Variants in TOP6BL observed in about 807,000 individuals in gnomAD.
The protein encoded by TOP6BL is TOP6B like initiator of meiotic double strand breaks, also known as type 2 DNA topoisomerase 6 subunit B-like.
the TOP6BL span, among the ~76,000 whole-genome samples, chr11:66,834,017 C>G: frequency 6.6e-6 from 1 of 152,048 alleles, no homozygotes; most frequent in Non-Finnish European, 1.5e-5. Context: ...AGCCTCAGGG[C>G]CATTCATAGC....
chr11:66,838,547 G>A, the TOP6BL span: 2 of 1,080,952 alleles, frequency 1.9e-6, no homozygotes, highest in East Asian at 2.6e-5. Flanking sequence ...CTACTACAGC[G>A]GCGTCCTTCT....
At chr11:66,745,518 C>T in the TOP6BL span, among the ~76,000 whole-genome samples, 1 of 152,220 alleles carries the variant, frequency 6.6e-6, no homozygotes, top group Non-Finnish European at 1.5e-5. Context: ...CGGCCACGCC[C>T]CGTGTGCTCA....
chr11:66,838,346 A>C, the TOP6BL span: 11 of 1,609,544 alleles, frequency 6.8e-6, no homozygotes, highest in Non-Finnish European at 9.4e-6. Context: ...AAACTCACTT[A>C]GGACTTCTAA....
chr11:66,775,996 A>G, the TOP6BL span, among the ~76,000 whole-genome samples: 5 of 151,852 alleles, frequency 3.3e-5, no homozygotes, highest in African/African-American at 7.3e-5. Flanking sequence ...TGGATCCTCT[A>G]TATGGGCACT....
chr11:66,769,486 CA>C, the TOP6BL span, among the ~76,000 whole-genome samples: 1 of 149,106 alleles, frequency 6.7e-6, no homozygotes, highest in African/African-American at 2.5e-5. Context: ...TCTCTAGTTC[CA>C]AAACTCAGAA....
chr11:66,763,003 G>C, the TOP6BL span, among the ~76,000 whole-genome samples: 1 of 152,164 alleles, frequency 6.6e-6, no homozygotes, highest in Admixed American at 6.5e-5. Context: ...CCAGTAGTTA[G>C]AGACTAGCCT....
the TOP6BL span, among the ~76,000 whole-genome samples, chr11:66,804,666 A>G: frequency 6.6e-6 from 1 of 152,212 alleles, no homozygotes; most frequent in Non-Finnish European, 1.5e-5. Flanking sequence ...GGCTGGGTGC[A>G]GTGGCTTACA....
chr11:66,768,717 T>C, the TOP6BL span, among the ~76,000 whole-genome samples: 1 of 152,074 alleles, frequency 6.6e-6, no homozygotes, highest in African/African-American at 2.4e-5. Flanking sequence ...TTTTCCTTGT[T>C]ACATTTATCT....
chr11:66,816,078 T>C, the TOP6BL span: 48 of 1,603,490 alleles, frequency 3.0e-5, no homozygotes, highest in Non-Finnish European at 3.7e-5. Flanking sequence ...ATGTGAGTTA[T>C]CAGGTGGAAT....
chr11:66,761,311 C>CAGTGAGCCGAG, the TOP6BL span, among the ~76,000 whole-genome samples: 2 of 151,490 alleles, frequency 1.3e-5, no homozygotes, highest in African/African-American at 4.9e-5. Context: ...GCGGAGCTTG[C>CAGTGAGCCGAG]AGTGAGCCGA....
At chr11:66,796,402 T>A in the TOP6BL span, 1 of 1,484,770 alleles carries the variant, frequency 6.7e-7, no homozygotes, top group Non-Finnish European at 9.3e-7. Flanking sequence ...TTCTCTTATT[T>A]AAGTCATTGT....
At chr11:66,805,060 T>C in the TOP6BL span, among the ~76,000 whole-genome samples, 1 of 150,268 alleles carries the variant, frequency 6.7e-6, no homozygotes, top group Non-Finnish European at 1.5e-5. Context: ...AGAGTGAGAT[T>C]CCGTCTCAAA....
the TOP6BL span, among the ~76,000 whole-genome samples, chr11:66,814,553 G>A: frequency 2.6e-5 from 4 of 151,964 alleles, no homozygotes; most frequent in African/African-American, 4.8e-5. Context: ...GTGAGCCACC[G>A]CACCCGGCCT....
the TOP6BL span, among the ~76,000 whole-genome samples, chr11:66,795,302 C>CTT: frequency 2.2e-5 from 3 of 136,672 alleles, no homozygotes; most frequent in Admixed American, 7.5e-5. Context: ...TTCTTTCCTT[C>CTT]TTTTTTTTTT....
chr11:66,825,723 T>C, the TOP6BL span, among the ~76,000 whole-genome samples: 2 of 152,138 alleles, frequency 1.3e-5, no homozygotes, highest in African/African-American at 4.8e-5. Context: ...ACTAAGACAG[T>C]GTCAAAGTGC....
chr11:66,798,549 G>A, the TOP6BL span, among the ~76,000 whole-genome samples: 5 of 145,040 alleles, frequency 3.4e-5, no homozygotes, highest in East Asian at 4.1e-4. Context: ...GCAGTGAACC[G>A]TGTTTACACC....
chr11:66,818,466 G>A, the TOP6BL span, among the ~76,000 whole-genome samples: 1 of 152,142 alleles, frequency 6.6e-6, no homozygotes, highest in Non-Finnish European at 1.5e-5. Flanking sequence ...CTAATGTGAG[G>A]ATTCCTGGGG....
chr11:66,834,090 AGAAG>A, the TOP6BL span, among the ~76,000 whole-genome samples: 5 of 152,354 alleles, frequency 3.3e-5, no homozygotes, highest in African/African-American at 1.2e-4. Context: ...GGTCTTGGAA[AGAAG>A]GAACACTTAC....
the TOP6BL span, among the ~76,000 whole-genome samples, chr11:66,813,606 A>C: frequency 6.6e-6 from 1 of 152,040 alleles, no homozygotes; most frequent in Non-Finnish European, 1.5e-5. Flanking sequence ...AGTGGCATGC[A>C]CCTGTAATCC....
Sources: allele counts gnomAD v4.1 joint callset (sites outside exome capture counted in the v4.1 genomes callset), GRCh38; gene constraint gnomAD v4.1.1; transcripts MANE v1.5; gene names NCBI Gene and HGNC (gene_info 2026-07-23, HGNC 2026-07-21).